FRMD4B: variants seen among roughly 807,000 people sequenced by gnomAD.
FRMD4B encodes FERM domain containing 4B.
In FRMD4B, 74 loss-of-function variants were observed where a neutral mutation model predicts 141.5. That is an observed-to-expected ratio of 0.52 (90% CI 0.43 to 0.63). The LOEUF (loss-of-function observed/expected upper bound fraction) is 0.63. FRMD4B is among the 30% of genes least tolerant of loss of function. FRMD4B has a pLI of 0.00. For synonymous variants in FRMD4B, 506 were observed against 467.9 expected, an observed-to-expected ratio of 1.08 and a Z score of -1.05; for missense variants, 1,366 against 1,253.4, an observed-to-expected ratio of 1.09 and a Z score of -1.36.
chr3:69,370,819 C>T (rs1369992780), intron 1 of FRMD4B, among the ~76,000 whole-genome samples: 2 of 152,190 alleles, frequency 1.3e-5, no homozygotes, highest in African/African-American at 4.8e-5. Context: ...GCCTCCTGAC[C>T]GCTCTTATGC....
Position 69,212,372 on chromosome 3 carries a change from A to G in FRMD4B, c.876+3891T>C, listed in dbSNP as rs1559721441. ...GAAACCCCGTCTCAAAAAAAAAAAA[A>G]AAAAAAAAGAAAAAAAAAAAGAAAA... is the stretch of plus-strand genomic sequence containing the variant. On this transcript the variant is annotated intron_variant, in intron 11 of 22. Coordinates refer to ENST00000398540, the MANE Select transcript of FRMD4B (RefSeq NM_015123.3). Among the ~76,000 whole-genome samples, 49 of 90,246 alleles carry G rather than the reference A, an allele frequency of 5.4e-4. 2 individuals carry two copies. Among genetic ancestry groups the G allele is most frequent in the Admixed American group, 3.7e-3 (26 of 7,120 alleles). The allele number at this position is 90,246 out of a possible 152,430, so 59.2% of individuals were successfully genotyped here. A position where few individuals can be genotyped will look rare whatever the true frequency, so the allele number is the denominator to read the frequency against.
intron 11 of FRMD4B, among the ~76,000 whole-genome samples, chr3:69,206,502 C>T (rs2093025590): frequency 6.6e-6 from 1 of 152,080 alleles, no homozygotes; most frequent in Admixed American, 6.6e-5. Context: ...GTCATCACAC[C>T]CAAGTTTCCT....
chr3:69,312,884 G>A (rs1320191335), intron 2 of FRMD4B, among the ~76,000 whole-genome samples: 4 of 78,824 alleles, frequency 5.1e-5, no homozygotes, highest in South Asian at 4.3e-4. Context: ...GCAAGACTCC[G>A]TCTGAAAAAA....
intron 5 of FRMD4B, among the ~76,000 whole-genome samples, chr3:69,274,427 T>A (rs769552282): frequency 6.6e-6 from 1 of 152,198 alleles, no homozygotes; most frequent in Non-Finnish European, 1.5e-5. Context: ...CTGGCTAAGA[T>A]GTTAAGCAGG....
chr3:69,389,611 T>G (rs559200962), upstream of FRMD4B, among the ~76,000 whole-genome samples: 1 of 152,228 alleles, frequency 6.6e-6, no homozygotes, highest in Non-Finnish European at 1.5e-5. Flanking sequence ...TGATGCTTTT[T>G]TTCTTATCCA....
chr3:69,395,249 T>C (rs1204778648), intron 2 of FRMD4B, among the ~76,000 whole-genome samples: 2 of 152,148 alleles, frequency 1.3e-5, no homozygotes, highest in Non-Finnish European at 2.9e-5. Flanking sequence ...ATTTTTTTTA[T>C]GGTAGATAAA....
At chr3:69,402,048 A>G (rs1704571913) in intron 2 of FRMD4B, among the ~76,000 whole-genome samples, 1 of 152,344 alleles carries the variant, frequency 6.6e-6, no homozygotes. Flanking sequence ...GCATATGTTA[A>G]TAACACAACT....
chr3:69,189,841 T>G (rs2092816920), intron 18 of FRMD4B, 55 bp downstream of exon 18: 1 of 1,061,584 alleles, frequency 9.4e-7, no homozygotes, highest in Admixed American at 1.9e-5. Flanking sequence ...GAAAATTATC[T>G]TAATTATTTC....
intron 2 of FRMD4B, among the ~76,000 whole-genome samples, chr3:69,411,408 T>G (rs1419878174): frequency 1.3e-5 from 2 of 152,196 alleles, no homozygotes; most frequent in South Asian, 2.1e-4. Context: ...TACACCTGGA[T>G]GATTATAAAT....
intron 1 of FRMD4B, among the ~76,000 whole-genome samples, chr3:69,514,144 G>T (rs996719868): frequency 6.6e-6 from 1 of 152,138 alleles, no homozygotes; most frequent in African/African-American, 2.4e-5. Flanking sequence ...AATCTTATAT[G>T]TAGATAAACC....
intron 1 of FRMD4B, among the ~76,000 whole-genome samples, chr3:69,495,271 A>C (rs1706365992): frequency 6.6e-6 from 1 of 152,210 alleles, no homozygotes. Context: ...CTGTGATACT[A>C]GACTGTTTCA....
intron 1 of FRMD4B, among the ~76,000 whole-genome samples, chr3:69,531,102 G>C (rs577988722): frequency 2.0e-4 from 30 of 152,332 alleles, no homozygotes; most frequent in African/African-American, 7.2e-4. Flanking sequence ...TACCTGTAAA[G>C]TAGGAGGAAT....
intron 4 of FRMD4B, among the ~76,000 whole-genome samples, chr3:69,291,749 A>G (rs959093184): frequency 1.3e-5 from 2 of 152,190 alleles, no homozygotes; most frequent in African/African-American, 4.8e-5. Flanking sequence ...AGATCCCTGC[A>G]GAAGCCCTCA....
chr3:69,332,195 C>T (rs1022898206), intron 1 of FRMD4B, among the ~76,000 whole-genome samples: 1 of 152,174 alleles, frequency 6.6e-6, no homozygotes, highest in Non-Finnish European at 1.5e-5. Context: ...GAGCAGGTTC[C>T]ACTCTGTCCC....
At chr3:69,238,457 T>C (rs765559940) in intron 7 of FRMD4B, among the ~76,000 whole-genome samples, 3 of 152,184 alleles carry the variant, frequency 2.0e-5, no homozygotes, top group Non-Finnish European at 4.4e-5. Context: ...TACAATAGAA[T>C]GCAATGAAGG....
chr3:69,390,382 C>T (rs1012139672), upstream of FRMD4B, among the ~76,000 whole-genome samples: 2 of 152,262 alleles, frequency 1.3e-5, no homozygotes, highest in South Asian at 2.1e-4. Context: ...GGTTCTCAAC[C>T]GGGGGCAATT....
intron 11 of FRMD4B, among the ~76,000 whole-genome samples, chr3:69,210,187 T>G (rs1030895350): frequency 1.3e-5 from 2 of 152,214 alleles, no homozygotes; most frequent in African/African-American, 4.8e-5. Context: ...GATACTTATC[T>G]TGAGAAGCAT....
At chr3:69,202,639 A>G (rs2092980325) in intron 11 of FRMD4B, among the ~76,000 whole-genome samples, 1 of 152,192 alleles carries the variant, frequency 6.6e-6, no homozygotes, top group African/African-American at 2.4e-5. Flanking sequence ...TACGAGTTTG[A>G]ACACTATGTT....
At chr3:69,460,782 G>A (rs1013714008) in intron 1 of FRMD4B, among the ~76,000 whole-genome samples, 13 of 152,080 alleles carry the variant, frequency 8.5e-5, no homozygotes, top group African/African-American at 3.1e-4. Flanking sequence ...GGCCATCTGT[G>A]GCCTCCAAGC....
Sources: allele counts gnomAD v4.1 joint callset (sites outside exome capture counted in the v4.1 genomes callset), GRCh38; gene constraint gnomAD v4.1.1; transcripts MANE v1.5; gene names NCBI Gene and HGNC (gene_info 2026-07-23, HGNC 2026-07-21).